TAF3: variants seen among roughly 807,000 people sequenced by gnomAD.
TAF3 encodes TATA-box binding protein associated factor 3, also known as transcription initiation factor TFIID subunit 3.
Under a neutral mutation model 80.6 loss-of-function variants are expected in TAF3, and 7 were observed. The ratio of observed to expected loss-of-function variants is 0.09; its 90% CI spans 0.05 to 0.16. The LOEUF is 0.16. Among genes scored for constraint, TAF3 ranks in the 10% least tolerant of loss-of-function variants. TAF3 has a pLI of 1.00. For synonymous variants in TAF3, 444 were observed against 446.1 expected (o/e 1.00, Z 0.06); for missense variants, 921 against 1,140.2 (o/e 0.81, Z 2.77).
intron 4 of TAF3, among the ~76,000 whole-genome samples, chr10:7,992,452 G>T (rs547155992): frequency 4.1e-4 from 63 of 152,314 alleles, no homozygotes; most frequent in African/African-American, 1.4e-3. Flanking sequence ...GGTAGGAAGT[G>T]TTAAAGGCTG....
At chr10:7,974,594 G>A (rs866739016) in intron 3 of TAF3, among the ~76,000 whole-genome samples, 75 of 152,264 alleles carry the variant, frequency 4.9e-4, no homozygotes, top group African/African-American at 1.7e-3. Flanking sequence ...GTTTGTAAAG[G>A]AGAAGGAAGG....
intron 2 of TAF3, among the ~76,000 whole-genome samples, chr10:7,865,545 C>T (rs1241220718): frequency 1.3e-5 from 2 of 152,118 alleles, no homozygotes; most frequent in South Asian, 2.1e-4. Context: ...GCCTAGAAAC[C>T]TTGGTGCGTG....
In TAF3 at chr10:8,009,001, C is replaced by G. The variant is rs543687336; in HGVS notation, c.2316-77C>G. ...CGCTACTGGAAGAAAAGCTATTTTA[C>G]GATCATGTTTTTAAGCACGGGTTTG... On this transcript the variant is annotated intron_variant, in intron 4 of 6. Transcript: ENST00000344293. The surrounding 1 kb of genome is among the most constrained non-coding windows in gnomAD (Gnocchi z 4.1). 5 of 1,515,242 alleles carry G rather than the reference C, an allele frequency of 3.3e-6. No individual in the cohort carries two copies. The highest frequency in any genetic ancestry group is 2.6e-5 in the East Asian group (1 of 38,178). The allele number at this position is 1,515,242 out of a possible 1,614,324, so 93.9% of individuals were successfully genotyped here. A position where few individuals can be genotyped will look rare whatever the true frequency, so the allele number is the denominator to read the frequency against.
chr10:8,014,719 A>C lies in TAF3; in HGVS notation c.2758A>C (p.Lys920Gln). The C allele has an allele frequency of 6.2e-7, 1 of 1,608,070 alleles. No homozygotes were observed. The highest frequency in any genetic ancestry group is 8.5e-7 in the Non-Finnish European group (1 of 1,177,042). ...PKCANKKKDK[K>Q]HKKRKHRAH is the part of the protein sequence containing the mutation. ...GTGTGCGAACAAGAAGAAGGACAAA[A>C]AGCACAAGAAGAGGAAGCATCGAGC... The change falls in exon 7 of 7, where the codon AAG becomes CAG. Residue 920 changes from lysine (K) to glutamine (Q), a missense_variant. By Grantham distance (53) the Lys-to-Gln change is moderately conservative. Coordinates refer to ENST00000344293, the MANE Select transcript of TAF3 (RefSeq NM_031923.4).
At chr10:8,005,009 T>A (rs1831978547) in intron 4 of TAF3, among the ~76,000 whole-genome samples, 1 of 152,220 alleles carries the variant, frequency 6.6e-6, no homozygotes, top group South Asian at 2.1e-4. Flanking sequence ...TTGTTTCCAA[T>A]CTGTTGTTAA....
At chr10:7,918,648 G>A (rs1379105529) in intron 2 of TAF3, among the ~76,000 whole-genome samples, 5 of 152,210 alleles carry the variant, frequency 3.3e-5, no homozygotes, top group African/African-American at 1.2e-4. Flanking sequence ...AGTCAGGAAG[G>A]GGCAAGCTGG....
chr10:7,914,053 G>C (rs1369914289), intron 2 of TAF3, among the ~76,000 whole-genome samples: 1 of 152,170 alleles, frequency 6.6e-6, no homozygotes, highest in Non-Finnish European at 1.5e-5. Context: ...TCCTCTTTTA[G>C]ATACCGATTC....
chr10:7,887,345 G>A (rs191900463), intron 2 of TAF3, among the ~76,000 whole-genome samples: 123 of 152,220 alleles, frequency 8.1e-4, no homozygotes, highest in Non-Finnish European at 1.1e-3. Flanking sequence ...TACAATCGTT[G>A]ACCTGTGAAC....
chr10:7,892,560 T>C (rs1271615668), intron 2 of TAF3, among the ~76,000 whole-genome samples: 1 of 152,224 alleles, frequency 6.6e-6, no homozygotes, highest in African/African-American at 2.4e-5. Context: ...TATATTAACA[T>C]AGTAAATCTT....
intron 2 of TAF3, among the ~76,000 whole-genome samples, chr10:7,843,476 T>C (rs1186722225): frequency 6.6e-6 from 1 of 152,216 alleles, no homozygotes; most frequent in Non-Finnish European, 1.5e-5. Context: ...GTTGTAGTCA[T>C]CTACAGGTTT....
At chr10:7,923,582 CAAA>C (rs139803422) in intron 2 of TAF3, among the ~76,000 whole-genome samples, 1 of 135,360 alleles carries the variant, frequency 7.4e-6, no homozygotes, top group Non-Finnish European at 1.6e-5. Context: ...TGCTGTATAG[CAAA>C]AAAACAAAAC....
chr10:7,987,981 C>T (rs1037330786), intron 4 of TAF3, among the ~76,000 whole-genome samples: 1 of 152,106 alleles, frequency 6.6e-6, no homozygotes, highest in Non-Finnish European at 1.5e-5. Flanking sequence ...GAATTGCCTT[C>T]TCTGTGATAG....
At chr10:7,961,546 T>G (rs1054319836) in intron 2 of TAF3, among the ~76,000 whole-genome samples, 15 of 152,170 alleles carry the variant, frequency 9.9e-5, no homozygotes, top group African/African-American at 3.4e-4. Context: ...TCTTCTTCCT[T>G]TTCTTTTTAT....
At chr10:7,932,139 G>C (rs1837874380) in intron 2 of TAF3, among the ~76,000 whole-genome samples, 1 of 152,190 alleles carries the variant, frequency 6.6e-6, no homozygotes, top group Admixed American at 6.5e-5. Context: ...AATACTGGGA[G>C]TATAGTCACT....
chr10:7,977,172 G>C (rs942336569), intron 3 of TAF3, 69 bp from the exon 4 acceptor site: 2 of 1,429,232 alleles, frequency 1.4e-6, no homozygotes, highest in African/African-American at 2.8e-5. Context: ...GAGTGGGAGA[G>C]TAGGAGAAGT....
At chr10:7,990,428 G>A (rs1230007661) in intron 4 of TAF3, among the ~76,000 whole-genome samples, 1 of 152,164 alleles carries the variant, frequency 6.6e-6, no homozygotes, top group Admixed American at 6.5e-5. Context: ...AAGGAAATTT[G>A]TATCTGCTTT....
chr10:7,860,523 G>A (rs529904100), intron 2 of TAF3, among the ~76,000 whole-genome samples: 1 of 152,118 alleles, frequency 6.6e-6, no homozygotes, highest in South Asian at 2.1e-4. Flanking sequence ...ATTATTTCGA[G>A]ATACTTCCCC....
chr10:7,958,661 G>A (rs910397768), intron 2 of TAF3, among the ~76,000 whole-genome samples: 1 of 152,178 alleles, frequency 6.6e-6, no homozygotes, highest in African/African-American at 2.4e-5. Context: ...AGGAGCCACA[G>A]GATTGGGAGG....
chr10:7,956,058 A>T (rs1269029434), intron 2 of TAF3, among the ~76,000 whole-genome samples: 1 of 152,234 alleles, frequency 6.6e-6, no homozygotes, highest in East Asian at 1.9e-4. Flanking sequence ...CCAAAATTAT[A>T]CTATAATTAG....
Sources: gnomAD v4.1 joint callset for allele counts (sites outside exome capture counted in the v4.1 genomes callset) on GRCh38, gnomAD v4.1.1 for gene constraint, Gnocchi (gnomAD v3.1) non-coding constraint, MANE v1.5 for transcripts, NCBI Gene and HGNC (gene_info 2026-07-23, HGNC 2026-07-21) for gene names.